Variants in FBXO36 observed in about 807,000 individuals in gnomAD.
FBXO36 encodes F-box protein 36, also known as F-box only protein 36.
Under a neutral mutation model 17.0 loss-of-function variants are expected in FBXO36, and 18 were observed. The observed-to-expected ratio is 1.06, with a 90% CI of 0.73 to 1.57. The LOEUF is 1.57. Ranked by LOEUF, FBXO36 falls within the 40% of genes most tolerant of loss-of-function variation. The pLI, the probability that FBXO36 is intolerant of heterozygous loss-of-function variation, is 0.00. For missense variants in FBXO36, 229 were observed against 221.9 expected, an observed-to-expected ratio of 1.03 and a Z score of -0.20; for synonymous variants, 83 against 85.3, an observed-to-expected ratio of 0.97 and a Z score of 0.15.
At position 229,922,504 on chromosome 2, in the gene FBXO36, G is replaced by C; in HGVS notation, c.-10G>C. ...CCTGGTTGTCTTAGCGACGGCGGTG[G>C]CGTCCCAAGATGGCGTCGTGGCTGC... On this transcript the variant is annotated 5_prime_UTR_variant, in exon 1 of 4. Transcript: ENST00000283946. 6.2e-7 allele frequency: 1 copy of C among 1,613,934 alleles called. No individual in the cohort carries two copies. The highest frequency in any genetic ancestry group is 8.5e-7 in the Non-Finnish European group (1 of 1,179,920).
At chr2:229,974,841 T>C (rs2077199176) in intron 1 of FBXO36, among the ~76,000 whole-genome samples, 1 of 152,210 alleles carries the variant, frequency 6.6e-6, no homozygotes, top group African/African-American at 2.4e-5. Context: ...CAGTGCTTGA[T>C]ACCCCTCTGT....
At chr2:229,948,053 C>A (rs1488659905) in intron 1 of FBXO36, among the ~76,000 whole-genome samples, 1 of 151,716 alleles carries the variant, frequency 6.6e-6, no homozygotes, top group African/African-American at 2.4e-5. Context: ...AATCCCAGCA[C>A]TTTGGGAGGC....
intron 1 of FBXO36, among the ~76,000 whole-genome samples, chr2:229,974,426 G>C (rs987395820): frequency 6.6e-6 from 1 of 152,210 alleles, no homozygotes; most frequent in Non-Finnish European, 1.5e-5. Flanking sequence ...AGTGGCCATT[G>C]TGGCAAGCAC....
chr2:229,990,393 G>T (rs909792753), intron 2 of FBXO36, among the ~76,000 whole-genome samples: 1 of 151,632 alleles, frequency 6.6e-6, no homozygotes, highest in East Asian at 1.9e-4. Context: ...TGTATATCAG[G>T]TTATCAGGTT....
At chr2:230,003,057 C>CA (rs1259591696) in intron 3 of FBXO36, among the ~76,000 whole-genome samples, 19 of 151,722 alleles carry the variant, frequency 1.3e-4, no homozygotes, top group African/African-American at 4.6e-4. Flanking sequence ...ACCAAAAATA[C>CA]AAAAAATTAG....
At chr2:229,966,407 G>A (rs1435630687) in intron 1 of FBXO36, among the ~76,000 whole-genome samples, 1 of 152,094 alleles carries the variant, frequency 6.6e-6, no homozygotes, top group Admixed American at 6.6e-5. Flanking sequence ...GTCAATTTTG[G>A]CTTTTGTTGC....
intron 3 of FBXO36, among the ~76,000 whole-genome samples, chr2:230,007,633 G>A (rs376831893): frequency 6.6e-5 from 10 of 151,608 alleles, no homozygotes; most frequent in African/African-American, 2.2e-4. Context: ...ACAGAGTCTC[G>A]CTCTGTTGCC....
chr2:229,923,374 G>T (rs2076844206), intron 1 of FBXO36: 1 of 152,170 alleles, frequency 6.6e-6, no homozygotes, highest in South Asian at 2.1e-4. Context: ...CAACTTGAGC[G>T]GGGCCTCCAT....
At chr2:229,971,312 G>A (rs1404396721) in intron 1 of FBXO36, among the ~76,000 whole-genome samples, 1 of 150,366 alleles carries the variant, frequency 6.7e-6, no homozygotes, top group Non-Finnish European at 1.5e-5. Context: ...CAGAGATCAC[G>A]CCACTGAACT....
At chr2:230,003,151 A>G (rs140938355) in intron 3 of FBXO36, among the ~76,000 whole-genome samples, 5,376 of 149,736 alleles carry the variant, frequency 0.036, 342 homozygotes, top group African/African-American at 0.13. Context: ...CGGAGATTGC[A>G]GTGACCCAAG....
intron 1 of FBXO36, among the ~76,000 whole-genome samples, chr2:229,929,911 C>T (rs1472704375): frequency 1.3e-5 from 2 of 152,164 alleles, no homozygotes; most frequent in Non-Finnish European, 2.9e-5. Flanking sequence ...CCATTCTGCC[C>T]ACTGACCACC....
rs114067421 is a variant in FBXO36, at chr2:229,955,355, C to A, written c.97-20886C>A. Among the ~76,000 whole-genome samples the A allele has an allele frequency of 9.7e-3, 1,472 of 152,050 alleles. 26 individuals are homozygous for A. Among genetic ancestry groups the A allele is most frequent in the African/African-American group, 0.034 (1,408 of 41,482 alleles). On this transcript the variant is annotated intron_variant, in intron 1 of 3. Coordinates refer to ENST00000283946, the MANE Select transcript of FBXO36 (RefSeq NM_174899.5). Reference sequence around the variant, plus strand: ...CCTGGGCAATATGGCAAAACCCTATCTCTATAAAAAATTAGCTGGGCATGC... The same window carrying A: ...CCTGGGCAATATGGCAAAACCCTATATCTATAAAAAATTAGCTGGGCATGC...
At chr2:229,931,922 T>TTG (rs1389982967) in intron 1 of FBXO36, among the ~76,000 whole-genome samples, 1 of 148,796 alleles carries the variant, frequency 6.7e-6, no homozygotes, top group East Asian at 1.9e-4. Flanking sequence ...GTGTATATAT[T>TTG]TTTTTTTTTT....
intron 1 of FBXO36, among the ~76,000 whole-genome samples, chr2:229,961,616 C>T (rs532113233): frequency 3.9e-5 from 6 of 152,188 alleles, no homozygotes; most frequent in South Asian, 4.1e-4. Context: ...CCTTGTGATC[C>T]GCCTGCCTCG....
At chr2:229,939,671 C>G (rs891857623) in intron 1 of FBXO36, among the ~76,000 whole-genome samples, 1 of 152,134 alleles carries the variant, frequency 6.6e-6, no homozygotes, top group African/African-American at 2.4e-5. Flanking sequence ...CATTAATACC[C>G]TTTAAAGCCT....
rs147548147 is a variant in FBXO36 at position 229,996,612 on chromosome 2, C to T, written c.206-139C>T. Reference sequence around the variant, plus strand: ...CATTCAGTTAGTCCCAAAGGCAGCTCGGTGAAAGTAGGAATGACTTAGCAT... The same window carrying T: ...CATTCAGTTAGTCCCAAAGGCAGCTTGGTGAAAGTAGGAATGACTTAGCAT... On this transcript the variant is annotated intron_variant, in intron 2 of 3. Transcript: ENST00000283946. 515 of 894,340 alleles carry T rather than the reference C, an allele frequency of 5.8e-4. 4 individuals are homozygous for T. In the African/African-American group the frequency reaches 7.1e-3, roughly 12 times the overall value. 55.4% of individuals were successfully genotyped at this position (894,340 alleles called of 1,614,324 possible). A position where few individuals can be genotyped will look rare whatever the true frequency, so the allele number is the denominator to read the frequency against.
At chr2:230,008,959 T>C (rs1356978580) in intron 3 of FBXO36, among the ~76,000 whole-genome samples, 1 of 152,222 alleles carries the variant, frequency 6.6e-6, no homozygotes, top group Non-Finnish European at 1.5e-5. Flanking sequence ...TAATAGCTGT[T>C]GTGTTGATGT....
At chr2:230,002,543 C>G (rs2077365376) in intron 3 of FBXO36, among the ~76,000 whole-genome samples, 1 of 152,104 alleles carries the variant, frequency 6.6e-6, no homozygotes, top group Non-Finnish European at 1.5e-5. Context: ...GCCACCATAC[C>G]CAGCTAATTT....
rs536688627 is a variant in FBXO36 at position 229,927,472 on chromosome 2, A to G, written c.96+4863A>G. Among the ~76,000 whole-genome samples the G allele has an allele frequency of 1.4e-4, 21 of 152,278 alleles. No individual in the cohort carries two copies. In the South Asian group the frequency reaches 4.4e-3, roughly 32 times the overall value. On this transcript the variant is annotated intron_variant, in intron 1 of 3. Transcript: ENST00000283946. Reference sequence around the variant, plus strand: ...GTCTTCTTTGTCCTCTCAAAATGGAAGTGTTGCTTAGGTGGCCAGAACAGT... The same window carrying G: ...GTCTTCTTTGTCCTCTCAAAATGGAGGTGTTGCTTAGGTGGCCAGAACAGT...
Sources: gnomAD v4.1 joint callset for allele counts (sites outside exome capture counted in the v4.1 genomes callset) on GRCh38, gnomAD v4.1.1 for gene constraint, MANE v1.5 for transcripts, NCBI Gene and HGNC (gene_info 2026-07-23, HGNC 2026-07-21) for gene names.